The following CNTNAP4 variants were observed in gnomAD, a reference collection of about 807,000 sequenced individuals.
CNTNAP4 encodes contactin associated protein family member 4.
CNTNAP4 carries 98 observed loss-of-function variants against 148.4 expected under a neutral mutation model. That is an observed-to-expected ratio of 0.66 (90% CI 0.56 to 0.78). CNTNAP4 has a LOEUF of 0.78. CNTNAP4 is among the 30% of genes least tolerant of loss of function. The pLI, the probability that CNTNAP4 is intolerant of heterozygous loss-of-function variation, is 0.00. For missense variants in CNTNAP4, 1,935 were observed against 1,565.6 expected (o/e 1.24, Z -3.98); for synonymous variants, 730 against 565.1 (o/e 1.29, Z -4.14).
At chr16:76,327,553 C>G (rs756467801) in intron 2 of CNTNAP4, among the ~76,000 whole-genome samples, 35 of 152,216 alleles carry the variant, frequency 2.3e-4, no homozygotes, top group Non-Finnish European at 4.9e-4. Context: ...AACCCTGTCT[C>G]TCTCTCAGCC....
At chr16:76,288,328 C>G (rs1265005013) in intron 1 of CNTNAP4, among the ~76,000 whole-genome samples, 4 of 152,146 alleles carry the variant, frequency 2.6e-5, no homozygotes, top group African/African-American at 7.2e-5. Flanking sequence ...ATTACTCAGT[C>G]TCAGGTATGT....
chr16:76,387,246 A>T (rs1045864718), intron 3 of CNTNAP4, among the ~76,000 whole-genome samples: 1 of 152,226 alleles, frequency 6.6e-6, no homozygotes, highest in Non-Finnish European at 1.5e-5. Context: ...GTGATATCAC[A>T]AATTTGAAAA....
At chr16:76,293,363 T>C (rs1345498411) in intron 1 of CNTNAP4, among the ~76,000 whole-genome samples, 1 of 152,088 alleles carries the variant, frequency 6.6e-6, no homozygotes, top group Non-Finnish European at 1.5e-5. Flanking sequence ...CGTGATCTCG[T>C]TTTTCACTAT....
rs570218054 is a variant in CNTNAP4 at position 76,554,437 on chromosome 16, T to A, written c.3733+530T>A. ...TATTACACTTTCAGTTGTATTTTTA[T>A]CAAATATTAGATTAATGAACTAAAA... On this transcript the variant is annotated intron_variant, in intron 23 of 23. Transcript: ENST00000611870. Among the ~76,000 whole-genome samples, 15 of 152,308 alleles carry A rather than the reference T, an allele frequency of 9.8e-5. No individual in the cohort carries two copies. In the South Asian group the frequency reaches 2.5e-3, roughly 25 times the overall value.
chr16:76,468,550 C>T (rs756990175), intron 10 of CNTNAP4, among the ~76,000 whole-genome samples: 11 of 152,158 alleles, frequency 7.2e-5, no homozygotes, highest in South Asian at 2.1e-4. Context: ...TGCAGTGGTG[C>T]GATCGTAGCT....
At chr16:76,348,475 G>T (rs1427227959) in intron 2 of CNTNAP4, among the ~76,000 whole-genome samples, 1 of 152,128 alleles carries the variant, frequency 6.6e-6, no homozygotes, top group African/African-American at 2.4e-5. Context: ...GCAAAGGTCT[G>T]AGACCTGGAG....
In CNTNAP4 at chr16:76,337,582, T is replaced by G. The variant is rs539638592; in HGVS notation, c.197-17736T>G. 4.3e-4 allele frequency among the ~76,000 whole-genome samples: 66 copies of G among 152,280 alleles called. 1 individual carries two copies. The South Asian group carries it at 0.012, about 27-fold the overall frequency. ...TTATTGATGAGGTTCCATGTCCCAC[T>G]GGGCATGCATTGTATTGATAAACAT... is the stretch of plus-strand genomic sequence containing the variant. On this transcript the variant is annotated intron_variant, in intron 2 of 23. Coordinates refer to ENST00000611870, the MANE Select transcript of CNTNAP4 (RefSeq NM_033401.5).
intron 4 of CNTNAP4, 46 bp from the exon 5 acceptor site, chr16:76,447,966 A>G (rs2080311660): frequency 7.2e-7 from 1 of 1,397,100 alleles, no homozygotes; most frequent in Non-Finnish European, 1.0e-6. Context: ...GATTTAATGG[A>G]AAAGATATTT....
intron 1 of CNTNAP4, among the ~76,000 whole-genome samples, chr16:76,288,580 C>T (rs1053532302): frequency 6.6e-6 from 1 of 152,160 alleles, no homozygotes; most frequent in Non-Finnish European, 1.5e-5. Context: ...AATTTCATAG[C>T]ACTTCAAATG....
chr16:76,294,436 T>C (rs1666143113), intron 1 of CNTNAP4, among the ~76,000 whole-genome samples: 1 of 152,196 alleles, frequency 6.6e-6, no homozygotes, highest in South Asian at 2.1e-4. Flanking sequence ...TTTAAAAATT[T>C]ATCCCCAAGA....
At position 76,530,164 on chromosome 16, in the gene CNTNAP4, G is replaced by A. The variant is rs112777965; in HGVS notation, c.2756-5381G>A. Among the ~76,000 whole-genome samples the A allele has an allele frequency of 6.6e-5, 10 of 151,938 alleles. 1 individual carries two copies. Among genetic ancestry groups the A allele is most frequent in the African/African-American group, 2.4e-4 (10 of 41,436 alleles). ...ATTGTGCTTTCATATTGTTAATAGT[G>A]TCTTTGAATGGACACAAGTTATTAA... On this transcript the variant is annotated intron_variant, in intron 17 of 23. Coordinates refer to ENST00000611870, the MANE Select transcript of CNTNAP4 (RefSeq NM_033401.5).
chr16:76,516,726 G>A (rs890147842), intron 15 of CNTNAP4, among the ~76,000 whole-genome samples: 1 of 152,352 alleles, frequency 6.6e-6, no homozygotes, highest in South Asian at 2.1e-4. Context: ...GCAGTAGAAA[G>A]AGATGAACTA....
At chr16:76,367,716 G>A (rs947754732) in intron 3 of CNTNAP4, among the ~76,000 whole-genome samples, 1 of 152,170 alleles carries the variant, frequency 6.6e-6, no homozygotes, top group African/African-American at 2.4e-5. Context: ...ACTGTCACTG[G>A]CTTGGTGGGT....
chr16:76,419,876 C>T (rs77812339), intron 3 of CNTNAP4, among the ~76,000 whole-genome samples: 241 of 152,114 alleles, frequency 1.6e-3, no homozygotes, highest in African/African-American at 5.6e-3. Context: ...GAAGTCTGAG[C>T]TCTCTTCGTA....
At chr16:76,324,244 G>A (rs1962734496) in intron 2 of CNTNAP4, among the ~76,000 whole-genome samples, 1 of 152,146 alleles carries the variant, frequency 6.6e-6, no homozygotes, top group South Asian at 2.1e-4. Context: ...CGATACAGTG[G>A]CTCAAATTTG....
intron 2 of CNTNAP4, among the ~76,000 whole-genome samples, chr16:76,320,062 A>G (rs571551745): frequency 5.1e-4 from 77 of 152,346 alleles, no homozygotes; most frequent in African/African-American, 1.8e-3. Flanking sequence ...ACTTGATAGA[A>G]AAAACTCAGA....
In CNTNAP4 at chr16:76,526,666, GT is replaced by G. The variant is rs748431519; in HGVS notation, c.2755+4414del. Among the ~76,000 whole-genome samples, 202 of 152,142 alleles carry G rather than the reference GT, an allele frequency of 1.3e-3. 1 individual carries two copies. The highest frequency in any genetic ancestry group is 2.6e-3 in the Admixed American group (39 of 15,270). ...TTTGGTTTTCTCACATTATTTGCCA[GT>G]TTTTGTTTTTGTTTATTTATTTTTG... is the stretch of plus-strand genomic sequence containing the variant. On this transcript the variant is annotated intron_variant, in intron 17 of 23. Transcript: ENST00000611870.
intron 3 of CNTNAP4, among the ~76,000 whole-genome samples, chr16:76,379,721 A>T (rs747804324): frequency 6.6e-6 from 1 of 152,208 alleles, no homozygotes. Context: ...CTGATTTAGT[A>T]GTTAGGTGTA....
intron 4 of CNTNAP4, among the ~76,000 whole-genome samples, chr16:76,430,647 A>T (rs1435389798): frequency 6.6e-5 from 10 of 151,616 alleles, no homozygotes; most frequent in Non-Finnish European, 1.5e-4. Flanking sequence ...GGCCTGAAGG[A>T]TTGCATGCAA....
Sources: allele counts gnomAD v4.1 joint callset (sites outside exome capture counted in the v4.1 genomes callset), GRCh38; gene constraint gnomAD v4.1.1; transcripts MANE v1.5; gene names NCBI Gene and HGNC (gene_info 2026-07-23, HGNC 2026-07-21).